CHN1: variants seen among roughly 807,000 people sequenced by gnomAD.
CHN1 encodes N-chimaerin.
A neutral mutation model predicts 59.5 loss-of-function variants in CHN1; 37 were observed. The observed-to-expected ratio is 0.62, with a 90% CI of 0.48 to 0.82. The LOEUF is 0.82. Among genes scored for constraint, CHN1 ranks in the 40% least tolerant of loss-of-function variants. The probability of loss-of-function intolerance (pLI) is 0.00; values close to 1 mark genes in which losing one functional copy is unlikely to be tolerated. For synonymous variants in CHN1, 206 were observed against 200.4 expected (o/e 1.03, Z -0.24); for missense variants, 469 against 571.0 (o/e 0.82, Z 1.82).
At chr2:174,811,400 A>G (rs538837059) in intron 10 of CHN1, 111 bp downstream of exon 10, 2 of 665,396 alleles carry the variant, frequency 3.0e-6, no homozygotes, top group South Asian at 4.9e-5. Context: ...ATTTGGTATA[A>G]TAATCATCAA....
At chr2:174,831,440 G>A (rs1464243729) in intron 7 of CHN1, among the ~76,000 whole-genome samples, 1 of 152,100 alleles carries the variant, frequency 6.6e-6, no homozygotes, top group East Asian at 1.9e-4. Flanking sequence ...GTTCTGTGCT[G>A]AGCTGAAATA....
At chr2:174,923,330 C>G (rs71419405) in intron 3 of CHN1, among the ~76,000 whole-genome samples, 1 of 151,924 alleles carries the variant, frequency 6.6e-6, no homozygotes, top group African/African-American at 2.4e-5. Context: ...TTAGTAGAGA[C>G]GGGGTTTCAC....
chr2:174,939,487 C>T (rs942926598), intron 3 of CHN1, among the ~76,000 whole-genome samples: 2 of 152,088 alleles, frequency 1.3e-5, no homozygotes, highest in Non-Finnish European at 2.9e-5. Flanking sequence ...TTCAACTTTT[C>T]TTTATTCTTT....
intron 9 of CHN1, 148 bp downstream of exon 9, chr2:174,812,161 T>A (rs1685097350): frequency 1.9e-6 from 1 of 529,974 alleles, no homozygotes. Flanking sequence ...TTAATTCATT[T>A]CAGTCTTTGA....
chr2:174,802,119 C>A, intron 11 of CHN1: 2 of 294,380 alleles, frequency 6.8e-6, no homozygotes, highest in Non-Finnish European at 1.3e-5. Flanking sequence ...GATGTAACTA[C>A]AAAAAATTCA....
At chr2:174,817,395 A>G (rs1215094885) in intron 8 of CHN1, among the ~76,000 whole-genome samples, 2 of 152,154 alleles carry the variant, frequency 1.3e-5, no homozygotes, top group Non-Finnish European at 2.9e-5. Flanking sequence ...GCATGCACAT[A>G]AAACATCTGA....
chr2:174,825,723 C>A (rs1275558918), intron 7 of CHN1, among the ~76,000 whole-genome samples: 1 of 152,190 alleles, frequency 6.6e-6, no homozygotes, highest in South Asian at 2.1e-4. Context: ...ATAAAATTCA[C>A]AGCTAAGATT....
At chr2:174,926,764 T>C (rs1689173400) in intron 3 of CHN1, among the ~76,000 whole-genome samples, 1 of 144,668 alleles carries the variant, frequency 6.9e-6, no homozygotes, top group Non-Finnish European at 1.5e-5. Flanking sequence ...CCCACACCAT[T>C]TTTTTTTTTT....
At chr2:174,957,707 G>A (rs774631379) in intron 1 of CHN1, among the ~76,000 whole-genome samples, 7 of 152,044 alleles carry the variant, frequency 4.6e-5, no homozygotes, top group Non-Finnish European at 1.0e-4. Flanking sequence ...TGGTGACCAG[G>A]TACCTCCTGA....
chr2:174,983,782 G>A (rs2105452838), intron 1 of CHN1, among the ~76,000 whole-genome samples: 1 of 152,104 alleles, frequency 6.6e-6, no homozygotes, highest in Middle Eastern at 3.4e-3. Context: ...GAGCTGAGGT[G>A]GTGCCACTGC....
chr2:174,809,109 A>G (rs1684995121), intron 10 of CHN1, 67 bp from the exon 11 acceptor site: 2 of 1,369,144 alleles, frequency 1.5e-6, no homozygotes, highest in South Asian at 1.4e-5. Flanking sequence ...AATGAATGAC[A>G]TATCTGTATA....
intron 1 of CHN1, among the ~76,000 whole-genome samples, chr2:175,004,365 A>T (rs1363357379): frequency 6.6e-6 from 1 of 152,212 alleles, no homozygotes; most frequent in Non-Finnish European, 1.5e-5. Flanking sequence ...TCGTTAGTGC[A>T]AACATTTTCA....
At position 175,004,985 on chromosome 2, in the gene CHN1, C is replaced by T. The variant is rs1692017670; in HGVS notation, c.-73G>A. On this transcript the variant is annotated 5_prime_UTR_variant, in exon 1 of 13. Transcript: ENST00000409900. ...CGGGCTAGGGATCACCTCATCAGCCCGCCGCACCCACACCTCGGAGAGAGT... is the reference window on the plus strand; with the variant it reads ...CGGGCTAGGGATCACCTCATCAGCCTGCCGCACCCACACCTCGGAGAGAGT... 6.6e-7 allele frequency: 1 copy of T among 1,507,566 alleles called. No individual in the cohort carries two copies. Among genetic ancestry groups the T allele is most frequent in the Non-Finnish European group, 8.8e-7 (1 of 1,131,092 alleles). The allele number at this position is 1,507,566 out of a possible 1,614,324, so 93.4% of individuals were successfully genotyped here.
chr2:174,919,718 T>C (rs1688951172), intron 3 of CHN1, among the ~76,000 whole-genome samples: 1 of 152,114 alleles, frequency 6.6e-6, no homozygotes, highest in African/African-American at 2.4e-5. Context: ...GTATATATTG[T>C]GGAATGGCTA....
intron 2 of CHN1, among the ~76,000 whole-genome samples, chr2:174,946,046 C>G (rs1253122392): frequency 6.6e-6 from 1 of 152,094 alleles, no homozygotes; most frequent in South Asian, 2.1e-4. Flanking sequence ...GGATACAGCA[C>G]TGGGGTTAAG....
intron 1 of CHN1, among the ~76,000 whole-genome samples, chr2:174,961,329 G>A (rs961504983): frequency 3.3e-5 from 5 of 152,240 alleles, no homozygotes; most frequent in South Asian, 4.1e-4. Flanking sequence ...GCTCACACCT[G>A]TAATCCCAGC....
chr2:174,809,999 A>G (rs1030334596), intron 10 of CHN1, among the ~76,000 whole-genome samples: 1 of 152,230 alleles, frequency 6.6e-6, no homozygotes, highest in Non-Finnish European at 1.5e-5. Context: ...AGATTTCCCC[A>G]AACTTGCCTT....
intron 6 of CHN1, among the ~76,000 whole-genome samples, chr2:174,864,588 T>A (rs947372936): frequency 6.6e-6 from 1 of 152,154 alleles, no homozygotes; most frequent in Non-Finnish European, 1.5e-5. Context: ...TCACATGTTC[T>A]GGCTGGGCAC....
intron 6 of CHN1, among the ~76,000 whole-genome samples, 180 bp downstream of exon 6, chr2:174,877,660 A>T (rs1042716007): frequency 1.3e-5 from 2 of 152,196 alleles, no homozygotes; most frequent in Non-Finnish European, 2.9e-5. Flanking sequence ...TTTACCTAAC[A>T]TATTTTAATA....
Sources: allele counts gnomAD v4.1 joint callset (sites outside exome capture counted in the v4.1 genomes callset), GRCh38; gene constraint gnomAD v4.1.1; transcripts MANE v1.5; gene names NCBI Gene and HGNC (gene_info 2026-07-23, HGNC 2026-07-21).